Variants in GMDS observed in about 807,000 individuals in gnomAD.
GMDS encodes GDP-mannose 4,6-dehydratase.
A neutral mutation model predicts 49.9 loss-of-function variants in GMDS; 20 were observed. The ratio of observed to expected loss-of-function variants is 0.40; its 90% CI spans 0.28 to 0.58. The LOEUF (loss-of-function observed/expected upper bound fraction) is 0.58, where lower values mean the gene tolerates loss of function less well. GMDS is among the 20% of genes least tolerant of loss of function. The pLI is 0.42. For missense variants in GMDS, 362 were observed against 481.4 expected (o/e 0.75, Z 2.32); for synonymous variants, 177 against 178.6 (o/e 0.99, Z 0.07).
At position 2,191,197 on chromosome 6, in the gene GMDS, G is replaced by T. The variant is rs1192219015; in HGVS notation, c.102+54124C>A. On this transcript the variant is annotated intron_variant, in intron 1 of 10. Coordinates refer to ENST00000380815, the MANE Select transcript of GMDS (RefSeq NM_001500.4). This position sits in a 1 kb window ranked among gnomAD's most constrained non-coding sequence, Gnocchi z 4.6. ...TCCCCAGGGGTCCGCCCCGCATGGG[G>T]TGACCACCGGGCCTGACACTCCCGA... Among the ~76,000 whole-genome samples, 4 of 152,140 alleles carry T rather than the reference G, an allele frequency of 2.6e-5. No homozygotes were observed. Among genetic ancestry groups the T allele is most frequent in the Non-Finnish European group, 4.4e-5 (3 of 68,000 alleles).
Position 1,750,677 on chromosome 6 carries a change from GT to G in GMDS, c.772-8092del, listed in dbSNP as rs368117884. ...GCAGACACCGAGCTAGCTGCAGGAG[GT>G]TTTTTTTCATATCCTAGTGGTGCCT... On this transcript the variant is annotated intron_variant, in intron 7 of 10. Coordinates refer to ENST00000380815, the MANE Select transcript of GMDS (RefSeq NM_001500.4). Among the ~76,000 whole-genome samples the G allele has an allele frequency of 5.3e-3, 801 of 151,986 alleles. 12 individuals carry two copies. The highest frequency in any genetic ancestry group is 0.018 in the African/African-American group (760 of 41,462).
chr6:1,901,632 CA>C (rs1760510054), intron 7 of GMDS, among the ~76,000 whole-genome samples: 2 of 152,206 alleles, frequency 1.3e-5, no homozygotes, highest in Non-Finnish European at 2.9e-5. Flanking sequence ...CTCTTTCCCA[CA>C]AGGCTTTTTT....
chr6:2,213,791 G>C (rs1276787566), intron 1 of GMDS, among the ~76,000 whole-genome samples: 7 of 152,106 alleles, frequency 4.6e-5, no homozygotes, highest in Non-Finnish European at 1.0e-4. Context: ...GGGGGAGAAG[G>C]GGTAAACTAA....
At chr6:1,647,504 T>G (rs1243469983) in intron 9 of GMDS, among the ~76,000 whole-genome samples, 1 of 152,192 alleles carries the variant, frequency 6.6e-6, no homozygotes, top group Non-Finnish European at 1.5e-5. Context: ...CCAGAGGATA[T>G]GGTCACTCTC....
rs542753469 is a variant in GMDS, at chr6:1,862,080, T to C, written c.771+68023A>G. Among the ~76,000 whole-genome samples the C allele has an allele frequency of 5.9e-5, 9 of 152,292 alleles. No homozygotes were observed. The South Asian group carries it at 8.3e-4, about 14-fold the overall frequency. ...CTAAGTTTCATTACACTTTAAATCT[T>C]TGAGTACTTAACTGGGATTTACAGA... On this transcript the variant is annotated intron_variant, in intron 7 of 10. Coordinates refer to ENST00000380815, the MANE Select transcript of GMDS (RefSeq NM_001500.4).
intron 7 of GMDS, among the ~76,000 whole-genome samples, chr6:1,816,481 C>T (rs1046208116): frequency 6.6e-6 from 1 of 152,076 alleles, no homozygotes; most frequent in African/African-American, 2.4e-5. Context: ...ACCATTAATT[C>T]GATTTATTCA....
At chr6:2,083,907 T>C (rs896410117) in intron 4 of GMDS, among the ~76,000 whole-genome samples, 1 of 152,186 alleles carries the variant, frequency 6.6e-6, no homozygotes, top group African/African-American at 2.4e-5. Context: ...ACAGAAATTA[T>C]TCAACTTGAA....
At chr6:1,699,143 C>T (rs549769699) in intron 9 of GMDS, among the ~76,000 whole-genome samples, 5 of 152,010 alleles carry the variant, frequency 3.3e-5, no homozygotes, top group South Asian at 2.1e-4. Context: ...CAGAGCCACA[C>T]GGTGTAGCCT....
chr6:2,084,569 C>T (rs936494276), intron 4 of GMDS, among the ~76,000 whole-genome samples: 9 of 151,964 alleles, frequency 5.9e-5, no homozygotes, highest in Admixed American at 3.3e-4. Flanking sequence ...TGCAGTGGCG[C>T]GATCTTGACT....
Position 2,116,834 on chromosome 6 carries a change from A to G in GMDS, c.235+635T>C, listed in dbSNP as rs1224408910. Among the ~76,000 whole-genome samples the G allele has an allele frequency of 2.0e-5, 3 of 152,154 alleles. No homozygotes were observed. In the East Asian group the frequency reaches 5.8e-4, roughly 29 times the overall value. ...TTCTTCACAGTGCGCAACCTCAGAA[A>G]ACTCATAACCTCTCTGTCTCCATTT... On this transcript the variant is annotated intron_variant, in intron 3 of 10. Transcript: ENST00000380815.
At chr6:1,923,851 C>G (rs1761853651) in intron 7 of GMDS, among the ~76,000 whole-genome samples, 1 of 152,174 alleles carries the variant, frequency 6.6e-6, no homozygotes, top group African/African-American at 2.4e-5. Flanking sequence ...AGAAGATGGA[C>G]AGATAGGAAA....
intron 9 of GMDS, among the ~76,000 whole-genome samples, chr6:1,710,034 G>A (rs910388438): frequency 4.6e-5 from 7 of 152,168 alleles, no homozygotes; most frequent in African/African-American, 1.7e-4. Context: ...AACCATACAA[G>A]TACACTTAAA....
chr6:2,222,103 A>T (rs1780618749), intron 1 of GMDS, among the ~76,000 whole-genome samples: 1 of 152,252 alleles, frequency 6.6e-6, no homozygotes. Flanking sequence ...GCTGGAAGCG[A>T]CTAGTATGCT....
chr6:1,651,168 T>C (rs1763642584), intron 9 of GMDS, among the ~76,000 whole-genome samples: 1 of 152,178 alleles, frequency 6.6e-6, no homozygotes, highest in African/African-American at 2.4e-5. Context: ...ACCAGGAGTG[T>C]GGCATTGTGC....
chr6:1,646,508 G>A (rs1256883453), intron 9 of GMDS, among the ~76,000 whole-genome samples: 1 of 152,126 alleles, frequency 6.6e-6, no homozygotes, highest in African/African-American at 2.4e-5. Context: ...AGCCTCCCAA[G>A]CAGCCGGGAC....
Position 1,965,921 on chromosome 6 carries a change from G to A in GMDS, c.346-4955C>T, listed in dbSNP as rs542670120. Among the ~76,000 whole-genome samples the A allele has an allele frequency of 3.4e-3, 522 of 152,220 alleles. 1 individual carries two copies. The highest frequency in any genetic ancestry group is 5.5e-3 in the Non-Finnish European group (374 of 68,008). ...TTAGAAGTGTGATTCTGAAACACAC[G>A]AAAACATGGAAGGTCCAGAGAGCTA... On this transcript the variant is annotated intron_variant, in intron 4 of 10. Transcript: ENST00000380815.
At chr6:1,972,958 T>C (rs575630777) in intron 4 of GMDS, among the ~76,000 whole-genome samples, 88 of 152,346 alleles carry the variant, frequency 5.8e-4, no homozygotes, top group Non-Finnish European at 1.2e-3. Flanking sequence ...CTTCACCAGA[T>C]TGCTGAAGGA....
chr6:2,242,191 C>T (rs534916640), intron 1 of GMDS, among the ~76,000 whole-genome samples: 12 of 152,262 alleles, frequency 7.9e-5, no homozygotes, highest in South Asian at 2.1e-4. Flanking sequence ...AATTGTGAGG[C>T]CATTCAGCCA....
chr6:2,076,033 C>T (rs1305924913), intron 4 of GMDS, among the ~76,000 whole-genome samples: 9 of 152,060 alleles, frequency 5.9e-5, no homozygotes, highest in South Asian at 2.1e-4. Context: ...TTTCATGTGT[C>T]TTTTGGCTGC....
Sources: allele counts gnomAD v4.1 joint callset (sites outside exome capture counted in the v4.1 genomes callset), GRCh38; gene constraint gnomAD v4.1.1; non-coding constraint Gnocchi (gnomAD v3.1); transcripts MANE v1.5; gene names NCBI Gene and HGNC (gene_info 2026-07-23, HGNC 2026-07-21).